Variants in PAFAH1B1 observed in about 807,000 individuals in gnomAD.
The protein encoded by PAFAH1B1 is platelet activating factor acetylhydrolase 1b regulatory subunit 1.
In PAFAH1B1, 2 loss-of-function variants were observed where a neutral mutation model predicts 57.5. The ratio of observed to expected loss-of-function variants is 0.03; its 90% CI spans 0.01 to 0.11. PAFAH1B1 has a LOEUF of 0.11. Ranked by LOEUF, PAFAH1B1 falls within the 10% of genes least tolerant of loss-of-function variation. The pLI is 1.00. For synonymous variants in PAFAH1B1, 152 were observed against 169.6 expected (o/e 0.90, Z 0.81); for missense variants, 257 against 512.0 (o/e 0.50, Z 4.81).
chr17:2,607,085 C>T (rs12451340), intron 1 of PAFAH1B1, among the ~76,000 whole-genome samples: 43,953 of 151,774 alleles, frequency 0.29, 6,532 homozygotes, highest in Middle Eastern at 0.36. Flanking sequence ...CGGCCTCCTG[C>T]GGTGCTGGGA....
At chr17:2,662,378 T>TTGTG (rs57918293) in intron 2 of PAFAH1B1, among the ~76,000 whole-genome samples, 15,583 of 123,360 alleles carry the variant, frequency 0.13, 1,124 homozygotes, top group East Asian at 0.25. Flanking sequence ...TTTAACCTCT[T>TTGTG]TGTGTGTGTG....
chr17:2,593,590 G>GGGC (rs552674446), upstream of PAFAH1B1, among the ~76,000 whole-genome samples: 1,490 of 148,766 alleles, frequency 0.01, 13 homozygotes, highest in East Asian at 0.016. Context: ...GGCGGGTCTG[G>GGGC]GGCGGCGGCG....
At chr17:2,615,625 G>A (rs1224970283) in intron 1 of PAFAH1B1, among the ~76,000 whole-genome samples, 1 of 152,036 alleles carries the variant, frequency 6.6e-6, no homozygotes, top group Non-Finnish European at 1.5e-5. Flanking sequence ...ATTTTTAGTA[G>A]AGACAGGGTT....
intron 1 of PAFAH1B1, among the ~76,000 whole-genome samples, chr17:2,628,232 A>G (rs1303442899): frequency 6.6e-6 from 1 of 152,010 alleles, no homozygotes. Context: ...GTTGGCTTTT[A>G]TTATGTTATT....
At chr17:2,653,475 T>A (rs1289290748) in intron 2 of PAFAH1B1, among the ~76,000 whole-genome samples, 1 of 152,108 alleles carries the variant, frequency 6.6e-6, no homozygotes, top group Admixed American at 6.6e-5. Flanking sequence ...TAATAAGGCA[T>A]GAAAGTAATT....
chr17:2,674,364 T>A, intron 8 of PAFAH1B1, 76 bp downstream of exon 8: 6 of 1,075,374 alleles, frequency 5.6e-6, no homozygotes, highest in Non-Finnish European at 8.6e-6. Flanking sequence ...TAATTCCCTG[T>A]TTCAGGGCTG....
At chr17:2,642,628 A>G (rs941658900) in intron 2 of PAFAH1B1, among the ~76,000 whole-genome samples, 4 of 152,140 alleles carry the variant, frequency 2.6e-5, no homozygotes, top group Admixed American at 2.6e-4. Flanking sequence ...CTACTTCTCA[A>G]ATAGTTTTAG....
At chr17:2,665,783 G>A (rs979560641) in intron 3 of PAFAH1B1, among the ~76,000 whole-genome samples, 29 of 151,936 alleles carry the variant, frequency 1.9e-4, no homozygotes, top group African/African-American at 7.0e-4. Flanking sequence ...TGTATTTTTA[G>A]TAGAGACGGG....
At chr17:2,663,935 C>T (rs866067909) in intron 2 of PAFAH1B1, among the ~76,000 whole-genome samples, 2 of 151,944 alleles carry the variant, frequency 1.3e-5, no homozygotes, top group East Asian at 1.9e-4. Context: ...CCTCGTGATG[C>T]GCCCACCTCG....
At chr17:2,674,536 T>G (rs563615972) in intron 8 of PAFAH1B1, among the ~76,000 whole-genome samples, 2 of 152,330 alleles carry the variant, frequency 1.3e-5, no homozygotes, top group Non-Finnish European at 2.9e-5. Flanking sequence ...AATTAAAATT[T>G]ATCAGAAAAA....
At chr17:2,622,742 G>A (rs764184304) in intron 1 of PAFAH1B1, among the ~76,000 whole-genome samples, 30 of 152,186 alleles carry the variant, frequency 2.0e-4, no homozygotes, top group Admixed American at 5.2e-4. Flanking sequence ...GTAGGGACTC[G>A]TATGGGGGGC....
chr17:2,649,198 C>T (rs1005360827), intron 2 of PAFAH1B1, among the ~76,000 whole-genome samples: 1 of 100,580 alleles, frequency 9.9e-6, no homozygotes, highest in South Asian at 2.9e-4. Context: ...GCCTGGGCAA[C>T]AAAGCAAGAC....
intron 5 of PAFAH1B1, among the ~76,000 whole-genome samples, chr17:2,668,632 T>A (rs2069139427): frequency 6.6e-6 from 1 of 151,950 alleles, no homozygotes; most frequent in Non-Finnish European, 1.5e-5. Flanking sequence ...TGAGCTATGA[T>A]TGAGCCAGTG....
Position 2,681,845 on chromosome 17 carries a change from C to A in PAFAH1B1, c.*43C>A. The A allele has an allele frequency of 1.4e-6, 2 of 1,381,652 alleles. No individual in the cohort carries two copies. Among genetic ancestry groups the A allele is most frequent in the East Asian group, 2.3e-5 (1 of 43,764 alleles). 85.6% of individuals were successfully genotyped at this position (1,381,652 alleles called of 1,614,324 possible). A position where few individuals can be genotyped will look rare whatever the true frequency, so the allele number is the denominator to read the frequency against. On this transcript the variant is annotated 3_prime_UTR_variant, in exon 11 of 11. Coordinates refer to ENST00000397195, the MANE Select transcript of PAFAH1B1 (RefSeq NM_000430.4). ...CCTCCTCCCTCTTTTCCTCTGGATGCACTCTGATGATACCATGGTTACCCC... is the reference window on the plus strand; with the variant it reads ...CCTCCTCCCTCTTTTCCTCTGGATGAACTCTGATGATACCATGGTTACCCC...
chr17:2,669,502 G>A (rs984948498), intron 5 of PAFAH1B1, among the ~76,000 whole-genome samples: 1 of 152,062 alleles, frequency 6.6e-6, no homozygotes, highest in Admixed American at 6.6e-5. Flanking sequence ...CTCGTGGTCC[G>A]CCCGCCTTGG....
intron 1 of PAFAH1B1, among the ~76,000 whole-genome samples, chr17:2,611,798 A>G (rs1023063406): frequency 6.6e-6 from 1 of 152,220 alleles, no homozygotes; most frequent in African/African-American, 2.4e-5. Context: ...GTCGGGACAC[A>G]ATGAACAGTG....
rs539642435 is a variant in PAFAH1B1, at chr17:2,623,531, T to A, written c.-190-14568T>A. On this transcript the variant is annotated intron_variant, in intron 1 of 10. Transcript: ENST00000397195. ...CCTTGGCCTCCCAAAGTCCTGGGAT[T>A]ACAGGCGTGAGCCACTGCGTCTGGC... Among the ~76,000 whole-genome samples the A allele has an allele frequency of 7.9e-5, 12 of 152,198 alleles. No homozygotes were observed. The East Asian group carries it at 1.9e-3, about 25-fold the overall frequency.
intron 3 of PAFAH1B1, 128 bp from the exon 4 acceptor site, chr17:2,665,888 C>G (rs2069100786): frequency 2.0e-6 from 2 of 992,130 alleles, no homozygotes; most frequent in Admixed American, 5.9e-5. Flanking sequence ...AGGTGAGCCA[C>G]CATGCCCAGC....
At chr17:2,596,579 A>T (rs956242461) in intron 1 of PAFAH1B1, among the ~76,000 whole-genome samples, 2 of 152,204 alleles carry the variant, frequency 1.3e-5, no homozygotes, top group African/African-American at 4.8e-5. Context: ...TATAGGTGGT[A>T]AATGTGACTT....
Sources: allele counts gnomAD v4.1 joint callset (sites outside exome capture counted in the v4.1 genomes callset), GRCh38; gene constraint gnomAD v4.1.1; transcripts MANE v1.5; gene names NCBI Gene and HGNC (gene_info 2026-07-23, HGNC 2026-07-21).